Variants in SAMD8 observed in about 807,000 individuals in gnomAD.
The protein encoded by SAMD8 is sphingomyelin synthase-related protein 1.
In SAMD8, 20 loss-of-function variants were observed where a neutral mutation model predicts 42.0. The ratio of observed to expected loss-of-function variants is 0.48; its 90% CI spans 0.34 to 0.69. The LOEUF (loss-of-function observed/expected upper bound fraction) is 0.69. Ranked by LOEUF, SAMD8 falls within the 30% of genes least tolerant of loss-of-function variation. SAMD8 has a pLI of 0.01. For synonymous variants in SAMD8, 162 were observed against 173.0 expected, an observed-to-expected ratio of 0.94 and a Z score of 0.50; for missense variants, 328 against 511.6, an observed-to-expected ratio of 0.64 and a Z score of 3.46.
chr10:75,163,964 A>G (rs1490311826), intron 2 of SAMD8, among the ~76,000 whole-genome samples: 1 of 152,176 alleles, frequency 6.6e-6, no homozygotes, highest in Non-Finnish European at 1.5e-5. Flanking sequence ...CACACCTGTA[A>G]TCTCAGCACT....
intron 1 of SAMD8, among the ~76,000 whole-genome samples, chr10:75,100,570 G>C (rs1407790760): frequency 6.6e-6 from 1 of 152,266 alleles, no homozygotes; most frequent in South Asian, 2.1e-4. Flanking sequence ...TCCCCAGCTG[G>C]GTGAAGCACA....
At chr10:75,106,751 T>C (rs761147547), upstream of SAMD8, among the ~76,000 whole-genome samples, 1 of 152,236 alleles carries the variant, frequency 6.6e-6, no homozygotes, top group Non-Finnish European at 1.5e-5. Context: ...AGTATTTAGC[T>C]CAGTGCCAGG....
At chr10:75,103,623 T>G (rs1191112602) in intron 1 of SAMD8, among the ~76,000 whole-genome samples, 1 of 152,204 alleles carries the variant, frequency 6.6e-6, no homozygotes, top group Non-Finnish European at 1.5e-5. Flanking sequence ...ACTCCCCGCT[T>G]GCACTCCCAG....
upstream of SAMD8, chr10:75,108,018 A>G (rs111855779): frequency 5.0e-5 from 81 of 1,613,306 alleles, no homozygotes; most frequent in African/African-American, 9.5e-4. Flanking sequence ...GGCACGGTGG[A>G]TGAAGTCAGC....
chr10:75,131,316 C>G (rs1447492108), intron 1 of SAMD8, among the ~76,000 whole-genome samples: 1 of 152,184 alleles, frequency 6.6e-6, no homozygotes, highest in Admixed American at 6.5e-5. Context: ...CCTTTGCACA[C>G]ATCTTATTTC....
chr10:75,123,619 G>T (rs1832146484), intron 1 of SAMD8, among the ~76,000 whole-genome samples: 3 of 152,158 alleles, frequency 2.0e-5, no homozygotes, highest in African/African-American at 4.8e-5. Flanking sequence ...TGTTTGGCTG[G>T]AATAGAGTGG....
intron 1 of SAMD8, among the ~76,000 whole-genome samples, chr10:75,132,374 A>G (rs1589945519): frequency 6.6e-6 from 1 of 152,190 alleles, no homozygotes; most frequent in Admixed American, 6.5e-5. Context: ...TTGAGTGTCT[A>G]GAATTGGTTC....
In SAMD8 at chr10:75,168,669, A is replaced by G; in HGVS notation, c.792+11A>G. 6.5e-7 allele frequency: 1 copy of G among 1,534,846 alleles called. No homozygotes were observed. The highest frequency in any genetic ancestry group is 9.0e-7 in the Non-Finnish European group (1 of 1,107,944). On this transcript the variant is annotated intron_variant, in intron 4 of 5. Transcript: ENST00000542569. Reference sequence around the variant, plus strand: ...CAGTGTACTGGAAAGGTAGCCTGCTACCTTCTTTATCATTCTTGTTTTTGG... The same window carrying G: ...CAGTGTACTGGAAAGGTAGCCTGCTGCCTTCTTTATCATTCTTGTTTTTGG...
chr10:75,144,568 G>A (rs1009127638), intron 1 of SAMD8, among the ~76,000 whole-genome samples: 4 of 152,154 alleles, frequency 2.6e-5, no homozygotes, highest in Non-Finnish European at 2.9e-5. Flanking sequence ...TGTAGCATGC[G>A]TCAGAACTTC....
chr10:75,148,502 C>T (rs756754510), intron 1 of SAMD8, among the ~76,000 whole-genome samples: 12 of 152,012 alleles, frequency 7.9e-5, no homozygotes, highest in Non-Finnish European at 1.5e-4. Context: ...TACAGGCGCA[C>T]GCTGCCATGC....
At chr10:75,167,459 C>T (rs925934152) in intron 3 of SAMD8, among the ~76,000 whole-genome samples, 4 of 152,026 alleles carry the variant, frequency 2.6e-5, no homozygotes, top group Non-Finnish European at 5.9e-5. Context: ...TGGTCTCAAG[C>T]GATCCTCCTT....
intron 4 of SAMD8, among the ~76,000 whole-genome samples, chr10:75,170,741 T>TACTTACAC (rs1840833686): frequency 1.3e-5 from 2 of 150,676 alleles, no homozygotes; most frequent in African/African-American, 4.9e-5. Context: ...TTTTTAAGCA[T>TACTTACAC]ACTTACACAC....
Position 75,149,326 on chromosome 10 carries a change from T to C in SAMD8, c.-15-1188T>C, listed in dbSNP as rs534495591. On this transcript the variant is annotated intron_variant, in intron 1 of 5. Transcript: ENST00000542569. The stretch of plus-strand genomic sequence containing the variant: ...AAATCAAAGTAGTAAAAATTATTGG[T>C]ACTTTTTAAAACATAGCACCTTATT... 1.8e-3 allele frequency among the ~76,000 whole-genome samples: 272 copies of C among 152,332 alleles called. 1 individual carries two copies. The highest frequency in any genetic ancestry group is 0.014 in the Middle Eastern group (4 of 294).
intron 1 of SAMD8, among the ~76,000 whole-genome samples, chr10:75,139,043 C>G (rs781629573): frequency 6.6e-6 from 1 of 151,528 alleles, no homozygotes; most frequent in Non-Finnish European, 1.5e-5. Flanking sequence ...TCACTGCCAC[C>G]TCCGCCTCCC....
intron 1 of SAMD8, among the ~76,000 whole-genome samples, chr10:75,146,891 C>T (rs1027591595): frequency 1.3e-5 from 2 of 152,056 alleles, no homozygotes; most frequent in African/African-American, 4.8e-5. Context: ...CAGGCTTTCA[C>T]AGGGTTAGCT....
chr10:75,176,640 A>G lies in SAMD8; in HGVS notation c.1196A>G (p.Glu399Gly). Residue 399 changes from glutamate to glycine, a missense_variant, in exon 6 of 6, where the codon GAA becomes GGA. By Grantham distance (98) the Glu-to-Gly change is moderately conservative. Around this residue, in one of 2 missense-constraint regions of SAMD8, gnomAD observed 178 missense variants for 325.6 expected, o/e 0.55. Transcript: ENST00000542569. The surrounding 1 kb of genome is among the most constrained non-coding windows in gnomAD (Gnocchi z 4.3). ...ECNVNGTVPN[E>G]YCWPFSKPAI... The stretch of plus-strand genomic sequence containing the variant: ...AATGTTAATGGCACAGTACCTAATG[A>G]ATATTGTTGGCCATTTTCAAAACCA... 6.5e-7 allele frequency: 1 copy of G among 1,545,030 alleles called. No homozygotes were observed. Among genetic ancestry groups the G allele is most frequent in the South Asian group, 1.2e-5 (1 of 82,322 alleles).
At position 75,140,240 on chromosome 10, in the gene SAMD8, G is replaced by T. The variant is rs759201812; in HGVS notation, c.-15-10274G>T. ...CTGCCTTAGCCTCCTGATTAGCTGG[G>T]ACTACAGGCAAGCACCACCAAGCCG... On this transcript the variant is annotated intron_variant, in intron 1 of 5. Transcript: ENST00000542569. 4.6e-4 allele frequency among the ~76,000 whole-genome samples: 70 copies of T among 152,176 alleles called. 1 individual carries two copies. The highest frequency in any genetic ancestry group is 8.4e-4 in the Non-Finnish European group (57 of 68,030).
intron 2 of SAMD8, among the ~76,000 whole-genome samples, chr10:75,162,605 C>A (rs963017313): frequency 6.8e-6 from 1 of 147,154 alleles, no homozygotes; most frequent in Non-Finnish European, 1.5e-5. Flanking sequence ...GCCGAGATCG[C>A]GCCATTGCAC....
intron 1 of SAMD8, among the ~76,000 whole-genome samples, chr10:75,143,457 T>C (rs1419183221): frequency 1.3e-5 from 2 of 152,222 alleles, no homozygotes; most frequent in African/African-American, 4.8e-5. Context: ...ATTTTTGTAG[T>C]GCATGTCTGC....
Sources: gnomAD v4.1 joint callset for allele counts (sites outside exome capture counted in the v4.1 genomes callset) on GRCh38, gnomAD v4.1.1 for gene constraint, gnomAD v4.1.1 regional missense constraint, Gnocchi (gnomAD v3.1) non-coding constraint, MANE v1.5 for transcripts, NCBI Gene and HGNC (gene_info 2026-07-23, HGNC 2026-07-21) for gene names.